The following SLC14A2 variants were observed in gnomAD, a reference collection of about 807,000 sequenced individuals.
SLC14A2 encodes urea transporter 2.
Under a neutral mutation model 104.6 loss-of-function variants are expected in SLC14A2, and 91 were observed. That is an observed-to-expected ratio of 0.87 (90% confidence interval 0.73 to 1.04). The LOEUF is 1.04. Among genes scored for constraint, SLC14A2 ranks in the 50% least tolerant of loss-of-function variants. SLC14A2 has a pLI of 0.00. For synonymous variants in SLC14A2, 476 were observed against 466.4 expected, an observed-to-expected ratio of 1.02 and a Z score of -0.27; for missense variants, 1,189 against 1,156.0, an observed-to-expected ratio of 1.03 and a Z score of -0.41.
chr18:45,544,292 C>A (rs950100991), intron 2 of SLC14A2, among the ~76,000 whole-genome samples: 39 of 152,176 alleles, frequency 2.6e-4, no homozygotes, highest in Admixed American at 2.5e-3. Flanking sequence ...TCCTGAATCC[C>A]TTCAGCAACT....
At position 45,629,162 on chromosome 18, in the gene SLC14A2, C is replaced by T. The variant is rs114126004; in HGVS notation, c.521+2015C>T. 5.2e-3 allele frequency among the ~76,000 whole-genome samples: 785 copies of T among 152,310 alleles called. 15 individuals are homozygous for T. Among genetic ancestry groups the T allele is most frequent in the African/African-American group, 0.017 (721 of 41,536 alleles). ...TCAGAGCTGGAAGTGTTGTAACCAA[C>T]GTCAGGCCCAGCCGACGTTCCTCAT... On this transcript the variant is annotated intron_variant, in intron 4 of 19. Transcript: ENST00000255226.
chr18:45,250,836 T>A (rs2084415802), intron 1 of SLC14A2, among the ~76,000 whole-genome samples: 1 of 147,570 alleles, frequency 6.8e-6, no homozygotes, highest in African/African-American at 2.5e-5. Flanking sequence ...TTTTCCTGAA[T>A]AGAAAGCCAG....
chr18:45,646,764 C>T (rs1456728180), intron 10 of SLC14A2: 1 of 152,018 alleles, frequency 6.6e-6, no homozygotes, highest in Non-Finnish European at 1.5e-5. Flanking sequence ...ACCTCATCTA[C>T]CTGCTGAATG....
chr18:45,597,509 T>G (rs886192875), intron 2 of SLC14A2, among the ~76,000 whole-genome samples: 1 of 152,140 alleles, frequency 6.6e-6, no homozygotes, highest in Non-Finnish European at 1.5e-5. Context: ...GTGAGTGTTT[T>G]GGGGAAAACG....
intron 1 of SLC14A2, among the ~76,000 whole-genome samples, chr18:45,287,818 G>A (rs1004368846): frequency 6.6e-6 from 1 of 152,042 alleles, no homozygotes; most frequent in Non-Finnish European, 1.5e-5. Context: ...CTCTCCCTCT[G>A]CTGATACCAG....
chr18:45,388,692 TC>T (rs2085928370), intron 1 of SLC14A2, among the ~76,000 whole-genome samples: 1 of 152,168 alleles, frequency 6.6e-6, no homozygotes. Context: ...TCCATGTTTC[TC>T]ATCCCAGATA....
chr18:45,452,470 C>T lies in SLC14A2; in HGVS notation c.-124-30763C>T, dbSNP rs552911674. Among the ~76,000 whole-genome samples the T allele has an allele frequency of 5.3e-5, 8 of 152,208 alleles. No homozygotes were observed. The South Asian group carries it at 8.3e-4, about 16-fold the overall frequency. On this transcript the variant is annotated intron_variant, in intron 1 of 20. Coordinates refer to the SLC14A2 transcript ENST00000586448. ...GGAATTTAGTATTTCTTACTGGGTA[C>T]GTGACATTTTAGCCAATATCTACAT...
chr18:45,468,563 G>C (rs1432723032), intron 1 of SLC14A2, among the ~76,000 whole-genome samples: 1 of 151,990 alleles, frequency 6.6e-6, no homozygotes, highest in Admixed American at 6.6e-5. Context: ...AACAATCCCT[G>C]CATTGCCTGC....
intron 10 of SLC14A2, among the ~76,000 whole-genome samples, chr18:45,644,955 C>T (rs755011681): frequency 3.9e-5 from 6 of 151,960 alleles, no homozygotes; most frequent in African/African-American, 4.8e-5. Context: ...CCTATCAACC[C>T]GTCATCTAGG....
intron 1 of SLC14A2, among the ~76,000 whole-genome samples, chr18:45,258,647 G>C (rs1490236049): frequency 7.0e-6 from 1 of 143,020 alleles, no homozygotes; most frequent in Non-Finnish European, 1.5e-5. Flanking sequence ...AATTGATTTG[G>C]ATGACCATTT....
intron 19 of SLC14A2, among the ~76,000 whole-genome samples, chr18:45,679,501 C>T (rs545900855): frequency 3.6e-4 from 55 of 152,322 alleles, no homozygotes; most frequent in African/African-American, 1.2e-3. Flanking sequence ...GTCTGGGAAC[C>T]CCTTCCTCAT....
chr18:45,396,951 T>A (rs2086040435), intron 1 of SLC14A2, among the ~76,000 whole-genome samples: 1 of 152,150 alleles, frequency 6.6e-6, no homozygotes, highest in African/African-American at 2.4e-5. Flanking sequence ...GTTTGCTAAA[T>A]GTATTAGCCT....
At chr18:45,547,330 AC>A (rs995846508) in intron 2 of SLC14A2, among the ~76,000 whole-genome samples, 13 of 152,154 alleles carry the variant, frequency 8.5e-5, no homozygotes, top group Admixed American at 7.9e-4. Context: ...TTAAAGCCTG[AC>A]ATTGTGCCCC....
At chr18:45,178,298 T>TAAG in the SLC14A2 span, among the ~76,000 whole-genome samples, 1 of 152,246 alleles carries the variant, frequency 6.6e-6, no homozygotes, top group Admixed American at 6.5e-5. Context: ...GCACTAGAAT[T>TAAG]CAGTCTACAT....
At chr18:45,434,764 A>T (rs2086570014) in intron 1 of SLC14A2, among the ~76,000 whole-genome samples, 1 of 152,228 alleles carries the variant, frequency 6.6e-6, no homozygotes, top group Non-Finnish European at 1.5e-5. Flanking sequence ...AGAATGGGCA[A>T]GATAAGAATT....
At chr18:45,401,946 G>T (rs972219390) in intron 1 of SLC14A2, among the ~76,000 whole-genome samples, 1 of 152,172 alleles carries the variant, frequency 6.6e-6, no homozygotes, top group South Asian at 2.1e-4. Flanking sequence ...CCCTGTTAAG[G>T]TAACTGCGTT....
At chr18:45,606,518 T>C (rs1475270719) in intron 2 of SLC14A2, among the ~76,000 whole-genome samples, 2 of 152,124 alleles carry the variant, frequency 1.3e-5, no homozygotes, top group African/African-American at 2.4e-5. Context: ...AACCCACCAC[T>C]GTATTCTAGG....
At chr18:45,575,553 A>G (rs1020751486) in intron 2 of SLC14A2, among the ~76,000 whole-genome samples, 5 of 151,374 alleles carry the variant, frequency 3.3e-5, no homozygotes, top group African/African-American at 1.2e-4. Flanking sequence ...CTTCCTTTTC[A>G]ATCCCCACGT....
At chr18:45,477,638 G>GTTTTAT (rs1598884508) in intron 1 of SLC14A2, among the ~76,000 whole-genome samples, 1 of 152,176 alleles carries the variant, frequency 6.6e-6, no homozygotes, top group East Asian at 1.9e-4. Context: ...TTATCTATAA[G>GTTTTAT]CCCATGACTG....
Sources: allele counts gnomAD v4.1 joint callset (sites outside exome capture counted in the v4.1 genomes callset), GRCh38; gene constraint gnomAD v4.1.1; transcripts MANE v1.5; gene names NCBI Gene and HGNC (gene_info 2026-07-23, HGNC 2026-07-21).